Variants in CSMD1 observed in about 807,000 individuals in gnomAD.
The protein encoded by CSMD1 is CUB and Sushi multiple domains 1, also known as CUB and sushi domain-containing protein 1.
In CSMD1, 213 loss-of-function variants were observed where a neutral mutation model predicts 417.5. The ratio of observed to expected loss-of-function variants is 0.51; its 90% CI spans 0.46 to 0.57. The LOEUF (loss-of-function observed/expected upper bound fraction) is 0.57. CSMD1 is among the 20% of genes least tolerant of loss of function. CSMD1 has a pLI of 0.00. For synonymous variants in CSMD1, 2,862 were observed against 1,736.8 expected, an observed-to-expected ratio of 1.65 and a Z score of -16.11; for missense variants, 6,923 against 4,529.7, an observed-to-expected ratio of 1.53 and a Z score of -15.17.
At chr8:4,758,054 T>TA (rs1811783380) in intron 1 of CSMD1, among the ~76,000 whole-genome samples, 1 of 152,114 alleles carries the variant, frequency 6.6e-6, no homozygotes. Flanking sequence ...GATATCTTCT[T>TA]TCCTTCTCTC....
chr8:4,351,811 G>T (rs1801111281), intron 3 of CSMD1, among the ~76,000 whole-genome samples: 1 of 152,124 alleles, frequency 6.6e-6, no homozygotes, highest in Non-Finnish European at 1.5e-5. Context: ...CATCTCAAAA[G>T]GAGCAGAGCA....
At chr8:4,644,912 C>G (rs1803426955) in intron 1 of CSMD1, among the ~76,000 whole-genome samples, 1 of 152,146 alleles carries the variant, frequency 6.6e-6, no homozygotes, top group African/African-American at 2.4e-5. Flanking sequence ...AGTTTGAGTG[C>G]ATGTGTGGGA....
At chr8:4,622,256 A>G (rs1053589923) in intron 2 of CSMD1, among the ~76,000 whole-genome samples, 5 of 152,038 alleles carry the variant, frequency 3.3e-5, no homozygotes, top group Non-Finnish European at 7.4e-5. Context: ...GAAAAAGGCA[A>G]AAGAGGATAC....
chr8:3,014,533 G>A (rs1451866851), intron 52 of CSMD1, among the ~76,000 whole-genome samples: 1 of 152,096 alleles, frequency 6.6e-6, no homozygotes, highest in Non-Finnish European at 1.5e-5. Flanking sequence ...AGTCCCCTCA[G>A]CTGATTCGGA....
intron 3 of CSMD1, among the ~76,000 whole-genome samples, chr8:4,196,633 T>C (rs1412670785): frequency 6.6e-6 from 1 of 152,168 alleles, no homozygotes; most frequent in Non-Finnish European, 1.5e-5. Context: ...CAATGCTGGG[T>C]CCAGTCCTCA....
chr8:3,020,857 T>C (rs1450943674), intron 51 of CSMD1, among the ~76,000 whole-genome samples: 1 of 152,240 alleles, frequency 6.6e-6, no homozygotes, highest in African/African-American at 2.4e-5. Flanking sequence ...GCTAAACTAT[T>C]ACAGTGTCAT....
chr8:3,589,291 T>C (rs1030579570), intron 8 of CSMD1, among the ~76,000 whole-genome samples: 2 of 152,158 alleles, frequency 1.3e-5, no homozygotes, highest in African/African-American at 4.8e-5. Flanking sequence ...TGCACTCTCA[T>C]AGTCACTGCA....
At chr8:4,095,127 C>T (rs926462470) in intron 3 of CSMD1, among the ~76,000 whole-genome samples, 1 of 152,072 alleles carries the variant, frequency 6.6e-6, no homozygotes, top group Non-Finnish European at 1.5e-5. Flanking sequence ...ATGGAAAGAA[C>T]TTGGGAGGAA....
At chr8:3,213,331 T>C (rs1285082799) in intron 30 of CSMD1, among the ~76,000 whole-genome samples, 1 of 152,118 alleles carries the variant, frequency 6.6e-6, no homozygotes, top group Non-Finnish European at 1.5e-5. Flanking sequence ...ATATATACCA[T>C]GAAAATGTAA....
At chr8:4,894,901 GCACATTTTCAAGGAAGGA>G (rs1376762059) in intron 1 of CSMD1, among the ~76,000 whole-genome samples, 21 of 152,224 alleles carry the variant, frequency 1.4e-4, no homozygotes, top group African/African-American at 4.8e-4. Context: ...TGCCAAAAAT[GCACATTTTCAAGGAAGGA>G]CACTTTGAAA....
chr8:4,745,070 G>A (rs1810866496), intron 1 of CSMD1, among the ~76,000 whole-genome samples: 1 of 151,820 alleles, frequency 6.6e-6, no homozygotes. Flanking sequence ...TTAGTTTTTG[G>A]TCAATAAAAT....
intron 3 of CSMD1, among the ~76,000 whole-genome samples, chr8:4,298,769 T>C (rs753513943): frequency 2.6e-5 from 4 of 152,082 alleles, no homozygotes; most frequent in African/African-American, 7.2e-5. Flanking sequence ...ATTTGTGCTT[T>C]TGAATAAATT....
intron 5 of CSMD1, among the ~76,000 whole-genome samples, chr8:3,966,172 A>G (rs1271067911): frequency 6.6e-6 from 1 of 152,162 alleles, no homozygotes; most frequent in African/African-American, 2.4e-5. Flanking sequence ...GGCAAAGGAG[A>G]AAATGTCTAA....
intron 3 of CSMD1, among the ~76,000 whole-genome samples, chr8:4,060,400 C>T (rs1219376920): frequency 6.6e-6 from 1 of 152,166 alleles, no homozygotes; most frequent in Non-Finnish European, 1.5e-5. Flanking sequence ...GGGATGCCCT[C>T]TCTCACCACT....
At chr8:3,509,623 T>G (rs1205720700) in intron 10 of CSMD1, among the ~76,000 whole-genome samples, 2 of 152,208 alleles carry the variant, frequency 1.3e-5, no homozygotes, top group East Asian at 1.9e-4. Flanking sequence ...AGATCTAATC[T>G]GGGAAAGGGA....
At chr8:4,736,698 ATAATT>A (rs1810268323) in intron 1 of CSMD1, among the ~76,000 whole-genome samples, 1 of 152,204 alleles carries the variant, frequency 6.6e-6, no homozygotes, top group Non-Finnish European at 1.5e-5. Flanking sequence ...AGGAAAAAGA[ATAATT>A]TAAGAAAAAA....
intron 41 of CSMD1, among the ~76,000 whole-genome samples, chr8:3,127,177 G>T (rs1180963452): frequency 2.0e-5 from 3 of 152,130 alleles, no homozygotes; most frequent in Admixed American, 6.5e-5. Flanking sequence ...TGCCCTAGCG[G>T]GGATGGGGAT....
chr8:3,327,966 T>G (rs1177269428), intron 23 of CSMD1, among the ~76,000 whole-genome samples: 1 of 152,072 alleles, frequency 6.6e-6, no homozygotes, highest in Non-Finnish European at 1.5e-5. Flanking sequence ...TAGCCCAGAA[T>G]GCATCTCTGT....
At chr8:3,848,087 C>T (rs62479956) in intron 5 of CSMD1, among the ~76,000 whole-genome samples, 1 of 149,422 alleles carries the variant, frequency 6.7e-6, no homozygotes, top group Admixed American at 6.7e-5. Flanking sequence ...CTCTCTCTCT[C>T]TCTAAATATA....
Sources: gnomAD v4.1 joint callset for allele counts (sites outside exome capture counted in the v4.1 genomes callset) on GRCh38, gnomAD v4.1.1 for gene constraint, MANE v1.5 for transcripts, NCBI Gene and HGNC (gene_info 2026-07-23, HGNC 2026-07-21) for gene names.